The following CYBRD1 variants were observed in gnomAD, a reference collection of about 807,000 sequenced individuals.
The protein encoded by CYBRD1 is cytochrome b reductase 1, also known as plasma membrane ascorbate-dependent reductase CYBRD1.
In CYBRD1, 14 loss-of-function variants were observed where a neutral mutation model predicts 21.9. That is an observed-to-expected ratio of 0.64 (90% CI 0.42 to 1.00). CYBRD1 has a LOEUF of 1.00. Among genes scored for constraint, CYBRD1 ranks in the 50% least tolerant of loss-of-function variants. CYBRD1 has a pLI of 0.00. For synonymous variants in CYBRD1, 146 were observed against 136.5 expected (o/e 1.07, Z -0.48); for missense variants, 328 against 352.5 (o/e 0.93, Z 0.56).
chr2:171,547,435 C>T (rs868779874), intron 2 of CYBRD1, among the ~76,000 whole-genome samples: 1 of 136,974 alleles, frequency 7.3e-6, no homozygotes, highest in Middle Eastern at 3.8e-3. Context: ...TTTGGGTGCT[C>T]TTTTTTTTTT....
chr2:171,545,569 A>AG (rs1697700117), intron 2 of CYBRD1, among the ~76,000 whole-genome samples: 1 of 100,310 alleles, frequency 1.0e-5, no homozygotes, highest in African/African-American at 3.6e-5. Flanking sequence ...TTTTTTTTTT[A>AG]GTAGAGACGG....
Position 171,535,088 on chromosome 2 carries a change from A to AC in CYBRD1, c.194-6496dup, listed in dbSNP as rs568173560. On this transcript the variant is annotated intron_variant, in intron 1 of 3. Coordinates refer to ENST00000321348, the MANE Select transcript of CYBRD1 (RefSeq NM_024843.4). ...AAAATAAGACATTTTATAAGCTAAA[A>AC]CTTAGAGCTGGTGGGAACCAAGGAT... is the stretch of plus-strand genomic sequence containing the variant. Among the ~76,000 whole-genome samples the AC allele has an allele frequency of 1.7e-3, 258 of 152,274 alleles. 5 individuals are homozygous for AC. The highest frequency in any genetic ancestry group is 0.016 in the Admixed American group (242 of 15,286).
Position 171,522,878 on chromosome 2 carries a change from G to T in CYBRD1, c.193+140G>T. ...GAGGAGTGCGGTGAGGAGCGCGCGGGAAGCCAAGTCGGCTGGGCGGGAGGG... is the reference window on the plus strand; with the variant it reads ...GAGGAGTGCGGTGAGGAGCGCGCGGTAAGCCAAGTCGGCTGGGCGGGAGGG... On this transcript the variant is annotated intron_variant, in intron 1 of 3. Coordinates refer to ENST00000321348, the MANE Select transcript of CYBRD1 (RefSeq NM_024843.4). The surrounding 1 kb of genome is among the most constrained non-coding windows in gnomAD (Gnocchi z 4.3). 3 of 1,390,748 alleles carry T rather than the reference G, an allele frequency of 2.2e-6. No individual in the cohort carries two copies. The highest frequency in any genetic ancestry group is 2.2e-5 in the Admixed American group (1 of 45,010). 86.2% of individuals were successfully genotyped at this position (1,390,748 alleles called of 1,614,324 possible). A position where few individuals can be genotyped will look rare whatever the true frequency, so the allele number is the denominator to read the frequency against.
intron 1 of CYBRD1, among the ~76,000 whole-genome samples, chr2:171,525,512 T>C (rs930905173): frequency 6.6e-6 from 1 of 152,118 alleles, no homozygotes; most frequent in Non-Finnish European, 1.5e-5. Flanking sequence ...ATAAACTTTA[T>C]AGGCTGCGAG....
At chr2:171,538,196 G>A (rs537054594) in intron 1 of CYBRD1, among the ~76,000 whole-genome samples, 8 of 152,318 alleles carry the variant, frequency 5.3e-5, no homozygotes, top group Admixed American at 4.6e-4. Flanking sequence ...CCAGGAAGTC[G>A]AGGTTGCAGT....
At chr2:171,545,545 A>ATT (rs35880894) in intron 2 of CYBRD1, among the ~76,000 whole-genome samples, 77 of 121,568 alleles carry the variant, frequency 6.3e-4, no homozygotes, top group East Asian at 2.5e-3. Context: ...CATGTGGCTA[A>ATT]TTTTTTTTTT....
intron 2 of CYBRD1, among the ~76,000 whole-genome samples, chr2:171,548,495 G>A (rs549954174): frequency 3.9e-5 from 6 of 152,068 alleles, no homozygotes; most frequent in East Asian, 1.9e-4. Context: ...CCAACACTCC[G>A]AACATCTGGG....
At chr2:171,525,714 C>CT (rs1697375068) in intron 1 of CYBRD1, among the ~76,000 whole-genome samples, 1 of 152,076 alleles carries the variant, frequency 6.6e-6, no homozygotes, top group Non-Finnish European at 1.5e-5. Context: ...AGTTATTACT[C>CT]TAAGTATAAA....
rs1574429832 is a variant in CYBRD1, at chr2:171,524,032, A to G, written c.193+1294A>G. Among the ~76,000 whole-genome samples the G allele has an allele frequency of 4.6e-5, 7 of 152,320 alleles. No individual in the cohort carries two copies. In the South Asian group the frequency reaches 1.5e-3, roughly 32 times the overall value. ...GAGTGTGCAAAAGAGTGCTGACCTC[A>G]TTCCTAAAGAAAAGTGATTTTGGCT... On this transcript the variant is annotated intron_variant, in intron 1 of 3. Transcript: ENST00000321348.
At chr2:171,527,475 G>C (rs918655333) in intron 1 of CYBRD1, among the ~76,000 whole-genome samples, 2 of 152,174 alleles carry the variant, frequency 1.3e-5, no homozygotes, top group Non-Finnish European at 2.9e-5. Context: ...ACTTACTTGT[G>C]ACGATAACAA....
At chr2:171,552,180 T>C (rs1036826188) in intron 2 of CYBRD1, among the ~76,000 whole-genome samples, 2 of 152,240 alleles carry the variant, frequency 1.3e-5, no homozygotes, top group Non-Finnish European at 2.9e-5. Context: ...TCTGTCCTAA[T>C]ATAATCAGAT....
At chr2:171,552,918 T>C (rs994532555) in intron 2 of CYBRD1, among the ~76,000 whole-genome samples, 23 of 152,202 alleles carry the variant, frequency 1.5e-4, no homozygotes, top group African/African-American at 5.3e-4. Flanking sequence ...CCTTAGGAGA[T>C]TGGTAAAAAC....
At chr2:171,547,523 A>G (rs978052039) in intron 2 of CYBRD1, among the ~76,000 whole-genome samples, 1 of 152,036 alleles carries the variant, frequency 6.6e-6, no homozygotes, top group Non-Finnish European at 1.5e-5. Flanking sequence ...CAGTAAAGAA[A>G]GAGACACTGT....
At chr2:171,533,934 G>C (rs536471917) in intron 1 of CYBRD1, among the ~76,000 whole-genome samples, 30 of 152,008 alleles carry the variant, frequency 2.0e-4, no homozygotes, top group Non-Finnish European at 3.2e-4. Context: ...TTGAAATCCC[G>C]ACCTTAAGAG....
rs144735836 is a variant in CYBRD1, at chr2:171,557,972, T to A, written c.*3145T>A. On this transcript the variant is annotated 3_prime_UTR_variant, in exon 4 of 4. Transcript: ENST00000321348. ...TTATTGTTCTTTAATTCCTACAAGG[T>A]ACTCGAAAACCTTAAGTGAAAAAGA... 688 of 152,258 alleles carry A rather than the reference T, an allele frequency of 4.5e-3. 11 individuals carry two copies. Among genetic ancestry groups the A allele is most frequent in the African/African-American group, 0.016 (659 of 41,548 alleles). 9.4% of individuals were successfully genotyped at this position (152,258 alleles called of 1,614,324 possible).
chr2:171,522,960 G>A lies in CYBRD1; in HGVS notation c.193+222G>A. ...GCGGTTCAGGAGGATCGCCGCGAGC[G>A]CGGGGCCGGGGGTGCGCGGTGGAGA... On this transcript the variant is annotated intron_variant, in intron 1 of 3. Transcript: ENST00000321348. This position sits in a 1 kb window ranked among gnomAD's most constrained non-coding sequence, Gnocchi z 4.3. 1.4e-6 allele frequency: 1 copy of A among 694,726 alleles called. No individual in the cohort carries two copies. Among genetic ancestry groups the A allele is most frequent in the Non-Finnish European group, 2.3e-6 (1 of 437,268 alleles). The allele number at this position is 694,726 out of a possible 1,614,324, so 43.0% of individuals were successfully genotyped here.
chr2:171,545,197 C>T (rs552610652), intron 2 of CYBRD1, among the ~76,000 whole-genome samples: 1 of 151,160 alleles, frequency 6.6e-6, no homozygotes, highest in Non-Finnish European at 1.5e-5. Flanking sequence ...GAATGCCTGC[C>T]AAAGGCTAAA....
chr2:171,542,392 A>G (rs1697648333), intron 2 of CYBRD1, among the ~76,000 whole-genome samples: 1 of 152,142 alleles, frequency 6.6e-6, no homozygotes, highest in African/African-American at 2.4e-5. Context: ...GCTCATGCCT[A>G]TAATTCCAGC....
intron 3 of CYBRD1, among the ~76,000 whole-genome samples, chr2:171,554,286 C>T (rs924505821): frequency 3.3e-5 from 5 of 152,138 alleles, no homozygotes; most frequent in Non-Finnish European, 7.4e-5. Context: ...CCAGACCCTA[C>T]CTGCCTTAAA....
Sources: gnomAD v4.1 joint callset for allele counts (sites outside exome capture counted in the v4.1 genomes callset) on GRCh38, gnomAD v4.1.1 for gene constraint, Gnocchi (gnomAD v3.1) non-coding constraint, MANE v1.5 for transcripts, NCBI Gene and HGNC (gene_info 2026-07-23, HGNC 2026-07-21) for gene names.